CDC42SE2: variants seen among roughly 807,000 people sequenced by gnomAD.
CDC42SE2 encodes CDC42 small effector protein 2.
Under a neutral mutation model 11.5 loss-of-function variants are expected in CDC42SE2, and 3 were observed. The observed-to-expected ratio is 0.26, with a 90% CI of 0.12 to 0.67. The LOEUF (loss-of-function observed/expected upper bound fraction) is 0.67, where lower values mean the gene tolerates loss of function less well. Among genes scored for constraint, CDC42SE2 ranks in the 30% least tolerant of loss-of-function variants. The probability of loss-of-function intolerance (pLI) is 0.80; values close to 1 mark genes in which losing one functional copy is unlikely to be tolerated. For missense variants in CDC42SE2, 82 were observed against 106.8 expected (o/e 0.77, Z 1.02); for synonymous variants, 33 against 34.8 (o/e 0.95, Z 0.18).
chr5:131,300,341 T>A (rs1757653370), intron 1 of CDC42SE2, among the ~76,000 whole-genome samples: 1 of 151,676 alleles, frequency 6.6e-6, no homozygotes, highest in African/African-American at 2.4e-5. Flanking sequence ...GTGAGTTGGA[T>A]AAGAAAGAGA....
chr5:131,321,832 A>G (rs1482090672), intron 2 of CDC42SE2, among the ~76,000 whole-genome samples: 1 of 151,896 alleles, frequency 6.6e-6, no homozygotes, highest in Non-Finnish European at 1.5e-5. Flanking sequence ...CCCCCAATCT[A>G]CATTAGAAAT....
At chr5:131,347,899 A>T (rs929055373) in intron 2 of CDC42SE2, among the ~76,000 whole-genome samples, 5 of 151,502 alleles carry the variant, frequency 3.3e-5, no homozygotes, top group African/African-American at 1.2e-4. Context: ...AGACAAAAAC[A>T]TGATTATCTC....
the CDC42SE2 span, among the ~76,000 whole-genome samples, chr5:131,226,256 A>G: frequency 2.0e-4 from 31 of 152,238 alleles, no homozygotes; most frequent in Admixed American, 6.5e-5. Context: ...CTGAAGTCTC[A>G]CTTTAGTATA....
chr5:131,345,528 G>A (rs1027183749), intron 2 of CDC42SE2, among the ~76,000 whole-genome samples: 2 of 152,212 alleles, frequency 1.3e-5, no homozygotes, highest in African/African-American at 4.8e-5. Flanking sequence ...TCTGATTGGT[G>A]TACCTGAAAG....
At chr5:131,375,972 CT>C (rs927535493) in intron 3 of CDC42SE2, among the ~76,000 whole-genome samples, 2 of 152,074 alleles carry the variant, frequency 1.3e-5, no homozygotes, top group African/African-American at 4.8e-5. Context: ...GGCATGGTGG[CT>C]CATGCCTGTA....
At chr5:131,378,420 GA>G (rs11338461) in intron 3 of CDC42SE2, among the ~76,000 whole-genome samples, 64,399 of 151,682 alleles carry the variant, frequency 0.42, 17,607 homozygotes, top group African/African-American at 0.78. Flanking sequence ...TGGCATCATA[GA>G]AAAAAAATAC....
At chr5:131,350,607 TTGTG>T (rs753402237) in intron 2 of CDC42SE2, among the ~76,000 whole-genome samples, 5,253 of 141,742 alleles carry the variant, frequency 0.037, 116 homozygotes, top group East Asian at 0.1. Flanking sequence ...AAAATTTATT[TTGTG>T]TGTGTGTGTG....
chr5:131,250,176 C>A (rs1756628711), intron 1 of CDC42SE2, among the ~76,000 whole-genome samples: 1 of 152,154 alleles, frequency 6.6e-6, no homozygotes, highest in Admixed American at 6.5e-5. Context: ...GGTAAAAGGA[C>A]AATCATAGCT....
chr5:131,224,906 T>C, the CDC42SE2 span, among the ~76,000 whole-genome samples: 2 of 151,512 alleles, frequency 1.3e-5, no homozygotes, highest in East Asian at 3.9e-4. Context: ...AGTGAAGGCA[T>C]CAGGCCAGCA....
the CDC42SE2 span, among the ~76,000 whole-genome samples, chr5:131,234,340 C>CATAG: frequency 5.3e-5 from 8 of 151,976 alleles, no homozygotes; most frequent in Non-Finnish European, 1.0e-4. Flanking sequence ...TAGATAAATA[C>CATAG]ATAGATAGAT....
intron 2 of CDC42SE2, among the ~76,000 whole-genome samples, chr5:131,340,601 G>T (rs1357496505): frequency 2.0e-5 from 3 of 152,060 alleles, no homozygotes. Flanking sequence ...ATTAAAAACT[G>T]CAGTCTTAGA....
intron 2 of CDC42SE2, among the ~76,000 whole-genome samples, chr5:131,334,666 A>C (rs1338094875): frequency 6.6e-6 from 1 of 152,184 alleles, no homozygotes; most frequent in Non-Finnish European, 1.5e-5. Context: ...CTATTCAGAG[A>C]TTCAACTTCT....
intron 1 of CDC42SE2, among the ~76,000 whole-genome samples, chr5:131,250,388 G>A (rs929543011): frequency 2.0e-5 from 3 of 152,138 alleles, no homozygotes; most frequent in Non-Finnish European, 4.4e-5. Flanking sequence ...TTACATAGAG[G>A]AAACAACAAT....
intron 2 of CDC42SE2, among the ~76,000 whole-genome samples, chr5:131,257,366 G>C (rs1177488036): frequency 1.3e-5 from 2 of 151,936 alleles, no homozygotes; most frequent in Non-Finnish European, 2.9e-5. Flanking sequence ...CAAAATGCTG[G>C]GATTAGAGGT....
the CDC42SE2 span, among the ~76,000 whole-genome samples, chr5:131,226,110 C>T: frequency 6.6e-6 from 1 of 152,118 alleles, no homozygotes; most frequent in Non-Finnish European, 1.5e-5. Context: ...TGTTTAATTG[C>T]CAAAGACAGG....
chr5:131,222,477 A>G, the CDC42SE2 span, among the ~76,000 whole-genome samples: 27 of 152,222 alleles, frequency 1.8e-4, no homozygotes, highest in African/African-American at 6.5e-4. Flanking sequence ...GGCACATTAT[A>G]AGCACTGAAC....
At chr5:131,390,902 C>T in intron 4 of CDC42SE2, 91 bp from the exon 5 acceptor site, 3 of 761,476 alleles carry the variant, frequency 3.9e-6, no homozygotes, top group South Asian at 2.1e-5. Flanking sequence ...AAAAGCAGCC[C>T]AAATAAAATT....
chr5:131,292,623 G>A (rs1477953646), intron 1 of CDC42SE2, among the ~76,000 whole-genome samples: 1 of 146,002 alleles, frequency 6.8e-6, no homozygotes, highest in Non-Finnish European at 1.5e-5. Context: ...TTAGGGCTGG[G>A]TGTGGTGGCT....
chr5:131,353,096 G>A (rs1474284111), intron 2 of CDC42SE2, among the ~76,000 whole-genome samples: 2 of 151,944 alleles, frequency 1.3e-5, no homozygotes. Context: ...CTTCCAAGTA[G>A]CTGATACCAC....
Sources: gnomAD v4.1 joint callset for allele counts (sites outside exome capture counted in the v4.1 genomes callset) on GRCh38, gnomAD v4.1.1 for gene constraint, MANE v1.5 for transcripts, NCBI Gene and HGNC (gene_info 2026-07-23, HGNC 2026-07-21) for gene names.